SFMBT1: variants seen among roughly 807,000 people sequenced by gnomAD.
SFMBT1 encodes the protein scm-like with four MBT domains protein 1.
SFMBT1 carries 32 observed loss-of-function variants against 108.7 expected under a neutral mutation model. The observed-to-expected ratio is 0.29, with a 90% confidence interval of 0.22 to 0.40. The LOEUF (loss-of-function observed/expected upper bound fraction) is 0.40. Ranked by LOEUF, SFMBT1 falls within the 10% of genes least tolerant of loss-of-function variation. The pLI, the probability that SFMBT1 is intolerant of heterozygous loss-of-function variation, is 1.00. For synonymous variants in SFMBT1, 348 were observed against 369.5 expected, an observed-to-expected ratio of 0.94 and a Z score of 0.67; for missense variants, 816 against 1,059.6, an observed-to-expected ratio of 0.77 and a Z score of 3.19.
At chr3:52,905,346 C>T in intron 20 of SFMBT1, 70 bp from the exon 21 acceptor site, 1 of 1,517,490 alleles carries the variant, frequency 6.6e-7, no homozygotes, top group South Asian at 1.2e-5. Context: ...GACAGCCTCT[C>T]CTCACTTTAG....
intron 1 of SFMBT1, among the ~76,000 whole-genome samples, chr3:52,996,274 C>T (rs1452328009): frequency 1.5e-5 from 2 of 134,726 alleles, no homozygotes; most frequent in Admixed American, 1.6e-4. Context: ...TGCAGTAGCA[C>T]CATCTTGGCT....
chr3:53,037,673 A>G lies in SFMBT1; in HGVS notation c.-131+8143T>C, dbSNP rs890177357. Among the ~76,000 whole-genome samples the G allele has an allele frequency of 1.8e-4, 28 of 152,166 alleles. 1 individual carries two copies. On this transcript the variant is annotated intron_variant, in intron 1 of 20. Transcript: ENST00000394752. ...CACCCAACCCTGCTCATTTTGCTCA[A>G]TGATAAAAATGAAAACCAGGCTGGG...
At chr3:52,986,730 C>T (rs558308804) in intron 1 of SFMBT1, among the ~76,000 whole-genome samples, 2 of 142,736 alleles carry the variant, frequency 1.4e-5, no homozygotes. Flanking sequence ...GAACCGAGAT[C>T]GCGCCACTGC....
intron 17 of SFMBT1, 68 bp downstream of exon 17, chr3:52,910,935 A>G: frequency 6.7e-7 from 1 of 1,501,564 alleles, no homozygotes; most frequent in Non-Finnish European, 9.3e-7. Flanking sequence ...TCTGTAAAGT[A>G]AAAAACTTTC....
rs1401933883 is a variant in SFMBT1, at chr3:53,000,929, T to A, written c.-130-31671A>T. 2.7e-5 allele frequency among the ~76,000 whole-genome samples: 4 copies of A among 149,976 alleles called. No individual in the cohort carries two copies. In the East Asian group the frequency reaches 7.7e-4, roughly 29 times the overall value. On this transcript the variant is annotated intron_variant, in intron 1 of 20. Transcript: ENST00000394752. ...TGCAAATGCTTAAAATGAAAAAAAATATATGAAAAGAAGAAAGGGGTGTGG... is the reference window on the plus strand; with the variant it reads ...TGCAAATGCTTAAAATGAAAAAAAAAATATGAAAAGAAGAAAGGGGTGTGG...
At chr3:52,937,870 T>C (rs1437858852) in intron 4 of SFMBT1, among the ~76,000 whole-genome samples, 2 of 152,106 alleles carry the variant, frequency 1.3e-5, no homozygotes, top group Non-Finnish European at 2.9e-5. Context: ...AGTGAGCCAC[T>C]GCGCCTGGCC....
intron 1 of SFMBT1, among the ~76,000 whole-genome samples, chr3:52,982,039 ACCCATGAGTTCAACTCAC>A (rs532582890): frequency 3.9e-5 from 6 of 152,176 alleles, no homozygotes; most frequent in Admixed American, 3.9e-4. Context: ...CCCCCAAGCC[ACCCATGAGTTCAACTCAC>A]CCCATGAGTT....
intron 1 of SFMBT1, among the ~76,000 whole-genome samples, chr3:53,002,872 T>C (rs966178076): frequency 6.7e-6 from 1 of 150,320 alleles, no homozygotes; most frequent in East Asian, 1.9e-4. Flanking sequence ...TGTCTAGTTA[T>C]TGGGTGTTTT....
At chr3:52,925,143 C>T (rs538899176) in intron 10 of SFMBT1, among the ~76,000 whole-genome samples, 2 of 152,238 alleles carry the variant, frequency 1.3e-5, no homozygotes, top group South Asian at 4.1e-4. Flanking sequence ...ATCTCTTGAA[C>T]CCGGGAGGCG....
At chr3:52,948,315 C>A (rs1703444173) in intron 3 of SFMBT1, among the ~76,000 whole-genome samples, 1 of 152,068 alleles carries the variant, frequency 6.6e-6, no homozygotes, top group Admixed American at 6.6e-5. Context: ...TAAAGTAGCA[C>A]TATACTATCT....
chr3:52,953,524 G>A (rs564799328), intron 3 of SFMBT1, among the ~76,000 whole-genome samples: 2 of 152,024 alleles, frequency 1.3e-5, no homozygotes, highest in African/African-American at 4.8e-5. Context: ...TCATTACACA[G>A]GGCAAATATG....
intron 1 of SFMBT1, among the ~76,000 whole-genome samples, chr3:52,985,415 C>T (rs1309155998): frequency 6.6e-6 from 1 of 152,180 alleles, no homozygotes; most frequent in Non-Finnish European, 1.5e-5. Flanking sequence ...ATGTGCCTGG[C>T]ACTTTTTATG....
In SFMBT1 at chr3:52,904,986, G is replaced by T; in HGVS notation, c.*150C>A. 9.7e-7 allele frequency: 1 copy of T among 1,035,978 alleles called. No individual in the cohort carries two copies. The highest frequency in any genetic ancestry group is 1.9e-5 in the South Asian group (1 of 53,098). The allele number at this position is 1,035,978 out of a possible 1,614,324, so 64.2% of individuals were successfully genotyped here. On this transcript the variant is annotated 3_prime_UTR_variant, in exon 21 of 21. Transcript: ENST00000394752. ...TGTGCACAGTTTTTGCTTCCTCACT[G>T]TGAGTCCTCCTTCCCCGAAAGTGCA...
In SFMBT1 at chr3:52,999,065, C is replaced by A. The variant is rs9828491; in HGVS notation, c.-130-29807G>T. Among the ~76,000 whole-genome samples, 76 of 150,514 alleles carry A rather than the reference C, an allele frequency of 5.0e-4. 6 individuals carry two copies. The highest frequency in any genetic ancestry group is 7.6e-4 in the Non-Finnish European group (51 of 67,040). On this transcript the variant is annotated intron_variant, in intron 1 of 20. Coordinates refer to ENST00000394752, the MANE Select transcript of SFMBT1 (RefSeq NM_016329.4). ...CATCCATGCGTAAGCCGGGGACGCC[C>A]GAGGACATGCTCTTCACCCAAGGCC...
chr3:52,937,971 T>C (rs1427533436), intron 4 of SFMBT1, among the ~76,000 whole-genome samples: 1 of 152,208 alleles, frequency 6.6e-6, no homozygotes, highest in Non-Finnish European at 1.5e-5. Context: ...CTCAAGTCTG[T>C]ACACATTTTT....
At chr3:52,924,773 A>C (rs573253308) in intron 10 of SFMBT1, among the ~76,000 whole-genome samples, 1 of 152,292 alleles carries the variant, frequency 6.6e-6, no homozygotes, top group African/African-American at 2.4e-5. Context: ...TCTTTAACAA[A>C]AGTGTTAGGA....
intron 4 of SFMBT1, among the ~76,000 whole-genome samples, chr3:52,941,319 C>T (rs535975856): frequency 3.3e-5 from 5 of 152,210 alleles, no homozygotes; most frequent in Middle Eastern, 3.4e-3. Flanking sequence ...ATTGGCCAGG[C>T]GCGGTGGCTC....
At chr3:52,959,542 C>T (rs1575402931) in intron 2 of SFMBT1, among the ~76,000 whole-genome samples, 1 of 152,114 alleles carries the variant, frequency 6.6e-6, no homozygotes. Flanking sequence ...TTCTACAAAC[C>T]CTCTACATTT....
At chr3:53,026,512 A>G (rs1206634907) in intron 1 of SFMBT1, among the ~76,000 whole-genome samples, 1 of 141,662 alleles carries the variant, frequency 7.1e-6, no homozygotes, top group African/African-American at 2.7e-5. Context: ...AATACAAAGT[A>G]AAAAGGCTGA....
Sources: allele counts gnomAD v4.1 joint callset (sites outside exome capture counted in the v4.1 genomes callset), GRCh38; gene constraint gnomAD v4.1.1; transcripts MANE v1.5; gene names NCBI Gene and HGNC (gene_info 2026-07-23, HGNC 2026-07-21).